Variants in FNDC3A observed in about 807,000 individuals in gnomAD.
FNDC3A encodes fibronectin type III domain containing 3A.
Under a neutral mutation model 148.9 loss-of-function variants are expected in FNDC3A, and 32 were observed. That is an observed-to-expected ratio of 0.21 (90% CI 0.16 to 0.29). The LOEUF (loss-of-function observed/expected upper bound fraction) is 0.29. Ranked by LOEUF, FNDC3A falls within the 10% of genes least tolerant of loss-of-function variation. FNDC3A has a pLI of 1.00. For missense variants in FNDC3A, 1,191 were observed against 1,452.8 expected (o/e 0.82, Z 2.93); for synonymous variants, 472 against 473.6 (o/e 1.00, Z 0.04).
intron 3 of FNDC3A, among the ~76,000 whole-genome samples, chr13:49,090,427 AAC>A (rs1368738855): frequency 2.6e-5 from 4 of 151,970 alleles, no homozygotes; most frequent in Non-Finnish European, 4.4e-5. Flanking sequence ...AACAAAACAA[AAC>A]AAAAAAACAA....
At chr13:49,171,028 T>G (rs1884728476) in intron 10 of FNDC3A, among the ~76,000 whole-genome samples, 2 of 152,142 alleles carry the variant, frequency 1.3e-5, no homozygotes, top group African/African-American at 4.8e-5. Context: ...AGCTGGAGTT[T>G]CCCAAAGATT....
Position 49,088,707 on chromosome 13 carries a change from C to T in FNDC3A, c.175+13343C>T, listed in dbSNP as rs533823960. ...TGTTTTTTTTCCAACCGCACTAGTA[C>T]TTCCTTCTCAGTCTTTTTTTCTTTT... On this transcript the variant is annotated intron_variant, in intron 3 of 25. Coordinates refer to ENST00000492622, the MANE Select transcript of FNDC3A (RefSeq NM_001079673.2). Among the ~76,000 whole-genome samples, 3 of 152,154 alleles carry T rather than the reference C, an allele frequency of 2.0e-5. No homozygotes were observed. In the East Asian group the frequency reaches 5.8e-4, roughly 29 times the overall value.
At chr13:49,187,853 T>A (rs1460302429) in intron 16 of FNDC3A, among the ~76,000 whole-genome samples, 1 of 152,176 alleles carries the variant, frequency 6.6e-6, no homozygotes, top group South Asian at 2.1e-4. Context: ...AATGTAAGAG[T>A]GCTGAACAAC....
In FNDC3A at chr13:49,114,416, C is replaced by A. The variant is rs556068703; in HGVS notation, c.176-239C>A. 2.8e-4 allele frequency among the ~76,000 whole-genome samples: 10 copies of A among 35,898 alleles called. 1 individual carries two copies. Among genetic ancestry groups the A allele is most frequent in the African/African-American group, 5.6e-4 (8 of 14,164 alleles). 23.6% of individuals were successfully genotyped at this position (35,898 alleles called of 152,430 possible). ...TTTAAAAAGCCCTCCAACCTCCCCGCCCCCCACCACCCCTACCCCAGCAAC... is the reference window on the plus strand; with the variant it reads ...TTTAAAAAGCCCTCCAACCTCCCCGACCCCCACCACCCCTACCCCAGCAAC... On this transcript the variant is annotated intron_variant, in intron 3 of 25. Coordinates refer to ENST00000492622, the MANE Select transcript of FNDC3A (RefSeq NM_001079673.2).
chr13:49,197,640 A>C, intron 20 of FNDC3A, 85 bp from the exon 21 acceptor site: 1 of 1,089,208 alleles, frequency 9.2e-7, no homozygotes, highest in Non-Finnish European at 1.3e-6. Context: ...CTAGTTTTAC[A>C]TGTGCTCAGG....
intron 2 of FNDC3A, among the ~76,000 whole-genome samples, chr13:49,033,824 T>A (rs926125683): frequency 6.6e-6 from 1 of 152,166 alleles, no homozygotes; most frequent in East Asian, 1.9e-4. Context: ...GATAGAGTAT[T>A]AAGAGCTACA....
intron 1 of FNDC3A, among the ~76,000 whole-genome samples, chr13:48,992,268 G>T (rs1245186346): frequency 6.6e-6 from 1 of 152,114 alleles, no homozygotes; most frequent in African/African-American, 2.4e-5. Flanking sequence ...AGCATTGAAA[G>T]CACCATTCAT....
intron 25 of FNDC3A, 40 bp from the exon 26 acceptor site, chr13:49,207,041 C>A (rs1369123321): frequency 1.4e-6 from 2 of 1,454,590 alleles, no homozygotes. Flanking sequence ...TTCTGTCCAG[C>A]CTTCACACGT....
At chr13:49,165,743 G>A (rs1169174801) in intron 8 of FNDC3A, among the ~76,000 whole-genome samples, 4 of 152,150 alleles carry the variant, frequency 2.6e-5, no homozygotes, top group African/African-American at 7.2e-5. Flanking sequence ...ATATGGCTTC[G>A]GTGATGTCAT....
chr13:49,069,236 T>G (rs1453160521), intron 2 of FNDC3A, among the ~76,000 whole-genome samples: 1 of 152,068 alleles, frequency 6.6e-6, no homozygotes, highest in African/African-American at 2.4e-5. Flanking sequence ...AAGTTAAAAG[T>G]AGAAATTAAT....
Position 49,191,140 on chromosome 13 carries a change from T to C in FNDC3A, c.2050+20T>C, listed in dbSNP as rs774320840. 2 of 1,604,012 alleles carry C rather than the reference T, an allele frequency of 1.2e-6. No individual in the cohort carries two copies. Among genetic ancestry groups the C allele is most frequent in the South Asian group, 2.2e-5 (2 of 89,100 alleles). On this transcript the variant is annotated intron_variant, in intron 18 of 25. Coordinates refer to ENST00000492622, the MANE Select transcript of FNDC3A (RefSeq NM_001079673.2). Reference sequence around the variant, plus strand: ...GATGGGGTAATTTCCATTTTGGTAATAAATTATAATTAAGCTAGAACAGGA... The same window carrying C: ...GATGGGGTAATTTCCATTTTGGTAACAAATTATAATTAAGCTAGAACAGGA...
intron 6 of FNDC3A, 40 bp downstream of exon 6, chr13:49,136,641 T>G (rs1195031767): frequency 8.9e-6 from 14 of 1,573,972 alleles, no homozygotes; most frequent in Admixed American, 1.7e-5. Flanking sequence ...ATTGATGCTA[T>G]TCTCGTGATT....
chr13:49,179,326 G>T (rs1360286797), intron 14 of FNDC3A, among the ~76,000 whole-genome samples: 2 of 152,064 alleles, frequency 1.3e-5, no homozygotes, highest in Non-Finnish European at 2.9e-5. Flanking sequence ...ATTTCAATTT[G>T]TCTTATTACT....
At chr13:49,116,385 A>G (rs993146666) in intron 4 of FNDC3A, among the ~76,000 whole-genome samples, 1 of 152,228 alleles carries the variant, frequency 6.6e-6, no homozygotes, top group African/African-American at 2.4e-5. Flanking sequence ...TTGAGTGTTT[A>G]TATATGTCAG....
intron 2 of FNDC3A, among the ~76,000 whole-genome samples, chr13:49,017,491 G>A (rs889354872): frequency 3.4e-4 from 52 of 152,098 alleles, no homozygotes; most frequent in African/African-American, 1.3e-3. Context: ...GAGCCTATGT[G>A]TGTCTCTGCA....
intron 13 of FNDC3A, 97 bp from the exon 14 acceptor site, chr13:49,178,471 G>A (rs1885144196): frequency 2.7e-6 from 2 of 740,126 alleles, no homozygotes; most frequent in African/African-American, 1.8e-5. Flanking sequence ...GCACATAGTA[G>A]AAGATGAAGA....
chr13:49,050,270 G>C (rs1875741027), intron 2 of FNDC3A, among the ~76,000 whole-genome samples: 1 of 152,154 alleles, frequency 6.6e-6, no homozygotes, highest in African/African-American at 2.4e-5. Context: ...TTTTGATGTA[G>C]ATATTTAATA....
intron 2 of FNDC3A, among the ~76,000 whole-genome samples, chr13:49,021,529 T>C (rs1873327815): frequency 6.6e-6 from 1 of 152,158 alleles, no homozygotes; most frequent in African/African-American, 2.4e-5. Flanking sequence ...GTCTGCTGGT[T>C]TTTACTGCTG....
At position 49,191,394 on chromosome 13, in the gene FNDC3A, CTG is replaced by C. The variant is rs774486876; in HGVS notation, c.2226+13_2226+14del. The C allele has an allele frequency of 1.3e-6, 2 of 1,568,702 alleles. No individual in the cohort carries two copies. The highest frequency in any genetic ancestry group is 1.4e-5 in the African/African-American group (1 of 72,868). On this transcript the variant is annotated intron_variant, in intron 19 of 25. Coordinates refer to ENST00000492622, the MANE Select transcript of FNDC3A (RefSeq NM_001079673.2). ...AGCTAACAAAATGGGGGTAAGAAGA[CTG>C]TGCTGGTAGAATTATAATCACAATG...
Sources: gnomAD v4.1 joint callset for allele counts (sites outside exome capture counted in the v4.1 genomes callset) on GRCh38, gnomAD v4.1.1 for gene constraint, MANE v1.5 for transcripts, NCBI Gene and HGNC (gene_info 2026-07-23, HGNC 2026-07-21) for gene names.